The following CIROZ variants were observed in gnomAD, a reference collection of about 807,000 sequenced individuals.
The protein encoded by CIROZ is ciliated left-right organizer ZP-N domains-containing protein.
At chr1:10,948,994 G>T in the CIROZ span, 1 of 667,518 alleles carries the variant, frequency 1.5e-6, no homozygotes, top group Non-Finnish European at 2.2e-6. Context: ...GGAGGCCAAG[G>T]CGGGTGGATC....
At chr1:10,964,290 T>G in the CIROZ span, 3 of 1,597,032 alleles carry the variant, frequency 1.9e-6, no homozygotes, top group Admixed American at 5.3e-5. Context: ...AGGGCAAAAT[T>G]CATGTATGCA....
chr1:10,955,660 T>C, the CIROZ span, among the ~76,000 whole-genome samples: 1 of 151,970 alleles, frequency 6.6e-6, no homozygotes, highest in Non-Finnish European at 1.5e-5. Flanking sequence ...CTGGCCTACA[T>C]GGTGAAACCC....
At chr1:10,947,267 T>A in the CIROZ span, among the ~76,000 whole-genome samples, 7 of 151,988 alleles carry the variant, frequency 4.6e-5, 1 homozygote, top group South Asian at 1.5e-3. Context: ...CTTCACCACC[T>A]CCGACAGCAG....
chr1:10,977,768 G>T, the CIROZ span, among the ~76,000 whole-genome samples: 1 of 152,174 alleles, frequency 6.6e-6, no homozygotes, highest in African/African-American at 2.4e-5. Context: ...TAGCACAAAG[G>T]TGATGAAAGG....
chr1:10,954,150 GC>G, the CIROZ span: 1 of 1,609,974 alleles, frequency 6.2e-7, no homozygotes, highest in East Asian at 2.2e-5. Context: ...TCGCTGTGGG[GC>G]CACAAGAAAT....
the CIROZ span, among the ~76,000 whole-genome samples, chr1:10,974,960 C>A: frequency 6.6e-6 from 1 of 152,040 alleles, no homozygotes; most frequent in Non-Finnish European, 1.5e-5. This position sits in a 1 kb window ranked among gnomAD's most constrained non-coding sequence, Gnocchi z 4.4. Flanking sequence ...AATAGCCCCC[C>A]CTTCACTGAC....
chr1:10,948,830 T>A, the CIROZ span: 1 of 1,510,576 alleles, frequency 6.6e-7, no homozygotes, highest in South Asian at 1.4e-5. Flanking sequence ...TTTGCAGGAA[T>A]GGTCCAAGCC....
chr1:10,948,206 A>G, the CIROZ span: 4 of 1,613,764 alleles, frequency 2.5e-6, no homozygotes, highest in South Asian at 3.3e-5. Flanking sequence ...CTGAGGATGA[A>G]AGGTCCATGT....
the CIROZ span, chr1:10,948,682 C>T: frequency 6.2e-7 from 1 of 1,604,602 alleles, no homozygotes; most frequent in Middle Eastern, 1.7e-4. Context: ...TCTACAGGCT[C>T]CGAGGGGAGC....
the CIROZ span, among the ~76,000 whole-genome samples, chr1:10,976,909 A>G: frequency 3.9e-5 from 6 of 152,256 alleles, no homozygotes; most frequent in South Asian, 1.2e-3. Flanking sequence ...TAATCCCAAC[A>G]CTTTGGGATG....
the CIROZ span, among the ~76,000 whole-genome samples, chr1:10,956,388 G>A: frequency 2.0e-5 from 3 of 151,940 alleles, no homozygotes; most frequent in African/African-American, 7.3e-5. Context: ...GCTCTCTCCC[G>A]TCTCTGTTCT....
chr1:10,953,863 T>C, the CIROZ span, among the ~76,000 whole-genome samples: 1 of 152,152 alleles, frequency 6.6e-6, no homozygotes, highest in Non-Finnish European at 1.5e-5. Flanking sequence ...TTCCAGCCAG[T>C]ATGTCTGACA....
chr1:10,966,552 A>C, the CIROZ span: 1 of 1,439,888 alleles, frequency 6.9e-7, no homozygotes, highest in Non-Finnish European at 9.1e-7. Context: ...GGTCAGAAAT[A>C]TCAGACTCGC....
At chr1:10,953,507 C>T in the CIROZ span, among the ~76,000 whole-genome samples, 4 of 152,176 alleles carry the variant, frequency 2.6e-5, no homozygotes, top group South Asian at 2.1e-4. Context: ...TGCATCGTGT[C>T]GTGCTCTTTG....
the CIROZ span, among the ~76,000 whole-genome samples, chr1:10,956,644 T>A: frequency 6.6e-6 from 1 of 151,512 alleles, no homozygotes; most frequent in Admixed American, 6.6e-5. Flanking sequence ...CCCGGCTAAT[T>A]TTTTGTATTT....
chr1:10,962,622 C>G, the CIROZ span, among the ~76,000 whole-genome samples: 1 of 152,120 alleles, frequency 6.6e-6, no homozygotes, highest in Non-Finnish European at 1.5e-5. Flanking sequence ...TTCCAGCATC[C>G]CCAGCCCCCA....
chr1:10,965,968 C>T, the CIROZ span, among the ~76,000 whole-genome samples: 1 of 152,198 alleles, frequency 6.6e-6, no homozygotes, highest in Non-Finnish European at 1.5e-5. Flanking sequence ...TTATTCACTT[C>T]ATTCAGCACT....
At chr1:10,977,092 A>C in the CIROZ span, among the ~76,000 whole-genome samples, 1 of 151,874 alleles carries the variant, frequency 6.6e-6, no homozygotes, top group Non-Finnish European at 1.5e-5. Context: ...CCGGGAAGTC[A>C]AGGCTATAGT....
chr1:10,973,988 G>A, the CIROZ span, among the ~76,000 whole-genome samples: 2 of 151,894 alleles, frequency 1.3e-5, no homozygotes, highest in African/African-American at 2.4e-5. Flanking sequence ...AAGCTCAGGG[G>A]TGTCTTCTGC....
Sources: gnomAD v4.1 joint callset for allele counts (sites outside exome capture counted in the v4.1 genomes callset) on GRCh38, gnomAD v4.1.1 for gene constraint, Gnocchi (gnomAD v3.1) non-coding constraint, MANE v1.5 for transcripts, NCBI Gene and HGNC (gene_info 2026-07-23, HGNC 2026-07-21) for gene names.